The following IL17RB variants were observed in gnomAD, a reference collection of about 807,000 sequenced individuals.
IL17RB encodes interleukin-17 receptor B.
In IL17RB, 36 loss-of-function variants were observed where a neutral mutation model predicts 43.9. That is an observed-to-expected ratio of 0.82 (90% CI 0.63 to 1.08). The LOEUF (loss-of-function observed/expected upper bound fraction) is 1.08, where lower values mean the gene tolerates loss of function less well. Ranked by LOEUF, IL17RB falls within the 50% of genes least tolerant of loss-of-function variation. The pLI is 0.00. For synonymous variants in IL17RB, 225 were observed against 225.4 expected (o/e 1.00, Z 0.02); for missense variants, 613 against 613.6 (o/e 1.00, Z 0.01).
At position 53,846,627 on chromosome 3, in the gene IL17RB, G is replaced by A; in HGVS notation, c.39G>A (p.Arg13=). Residue 13 remains arginine, a synonymous_variant, in exon 1 of 11, where the codon AGG becomes AGA. Transcript: ENST00000288167. ...TGCTAAGCCTGGCCGCGCTGTGCAGGAGCGCCGTACCCCGAGAGCCGGTAA... is the reference window on the plus strand; with the variant it reads ...TGCTAAGCCTGGCCGCGCTGTGCAGAAGCGCCGTACCCCGAGAGCCGGTAA... ...LVLLSLAALC[R]SAVPREPTVQ... 2 of 1,593,696 alleles carry A rather than the reference G, an allele frequency of 1.3e-6. No homozygotes were observed. The highest frequency in any genetic ancestry group is 1.1e-5 in the South Asian group (1 of 88,632).
At chr3:53,847,068 C>G (rs1261818191) in intron 1 of IL17RB, among the ~76,000 whole-genome samples, 1 of 152,148 alleles carries the variant, frequency 6.6e-6, no homozygotes, top group African/African-American at 2.4e-5. Context: ...GTACCCCCTC[C>G]CTTTTTGGCC....
chr3:53,850,294 C>T (rs28385740), intron 3 of IL17RB, among the ~76,000 whole-genome samples: 7,679 of 151,746 alleles, frequency 0.051, 472 homozygotes, highest in African/African-American at 0.15. Flanking sequence ...GCCAGGAGTT[C>T]GAGACCAGCC....
chr3:53,848,994 G>T (rs1428495342), intron 2 of IL17RB, among the ~76,000 whole-genome samples: 3 of 152,252 alleles, frequency 2.0e-5, no homozygotes, highest in East Asian at 3.8e-4. Context: ...GTCACTTAGA[G>T]TTGGGACCGA....
At position 53,865,016 on chromosome 3, in the gene IL17RB, G is replaced by C. The variant is rs1205232376; in HGVS notation, c.1217G>C (p.Gly406Ala). The C allele has an allele frequency of 6.2e-7, 1 of 1,614,184 alleles. No homozygotes were observed. Among genetic ancestry groups the C allele is most frequent in the Non-Finnish European group, 8.5e-7 (1 of 1,180,046 alleles). ...LSNDVNSVCDGTCGKSEGSPS... is the reference protein window; with the variant it reads ...LSNDVNSVCDATCGKSEGSPS... Reference sequence around the variant, plus strand: ...AATGACGTCAACAGTGTGTGCGATGGTACCTGTGGCAAGAGCGAGGGCAGT... The same window carrying C: ...AATGACGTCAACAGTGTGTGCGATGCTACCTGTGGCAAGAGCGAGGGCAGT... The change falls in exon 11 of 11, where the codon GGT (glycine) becomes GCT (alanine). Residue 406 changes from glycine to alanine, a missense_variant. Coordinates refer to ENST00000288167, the MANE Select transcript of IL17RB (RefSeq NM_018725.4).
rs556990189 is a variant in IL17RB, at chr3:53,857,603, T to A, written c.673-13T>A. ...CCTGGCACCTCATAATTCTTGACTCTCTCTCTCTTAAGCCACACCAGAAGA... is the reference window on the plus strand; with the variant it reads ...CCTGGCACCTCATAATTCTTGACTCACTCTCTCTTAAGCCACACCAGAAGA... On this transcript the variant is annotated splice_polypyrimidine_tract_variant and intron_variant, in intron 7 of 10. Coordinates refer to ENST00000288167, the MANE Select transcript of IL17RB (RefSeq NM_018725.4). The A allele has an allele frequency of 1.9e-6, 3 of 1,613,360 alleles. No homozygotes were observed. Among genetic ancestry groups the A allele is most frequent in the Admixed American group, 1.7e-5 (1 of 60,006 alleles).
Position 53,865,317 on chromosome 3 carries a change from T to A in IL17RB, c.*9T>A, listed in dbSNP as rs1481471917. ...GCTGCTGCTCCTTGTAGCCCACCCA[T>A]GAGAAGCAAGAGACCTTAAAGGCTT... On this transcript the variant is annotated 3_prime_UTR_variant, in exon 11 of 11. Transcript: ENST00000288167. The A allele has an allele frequency of 6.3e-7, 1 of 1,594,814 alleles. No individual in the cohort carries two copies. The highest frequency in any genetic ancestry group is 8.5e-7 in the Non-Finnish European group (1 of 1,175,644).
At chr3:53,847,162 TGAAGA>T (rs975364369) in intron 1 of IL17RB, among the ~76,000 whole-genome samples, 26 of 152,294 alleles carry the variant, frequency 1.7e-4, no homozygotes, top group African/African-American at 5.3e-4. Context: ...TCTGGGTCAC[TGAAGA>T]GAAAATAGCT....
chr3:53,852,903 G>C lies in IL17RB; in HGVS notation c.387G>C (p.Glu129Asp). The change falls in exon 5 of 11, where the codon GAG becomes GAC. Residue 129 changes from glutamate to aspartate, a missense_variant. Coordinates refer to ENST00000288167, the MANE Select transcript of IL17RB (RefSeq NM_018725.4). ...WTFSYIGFPV[E>D]LNTVYFIGAH... ...TTTCCTACATCGGCTTCCCTGTAGAGCTGAACACAGTCTATTTCATTGGGG... is the reference window on the plus strand; with the variant it reads ...TTTCCTACATCGGCTTCCCTGTAGACCTGAACACAGTCTATTTCATTGGGG... The C allele has an allele frequency of 6.2e-7, 1 of 1,613,892 alleles. No homozygotes were observed. Among genetic ancestry groups the C allele is most frequent in the Non-Finnish European group, 8.5e-7 (1 of 1,179,758 alleles).
chr3:53,852,850 G>T (rs1185350833), intron 4 of IL17RB, 21 bp from the exon 5 acceptor site: 1 of 1,612,322 alleles, frequency 6.2e-7, no homozygotes, highest in East Asian at 2.2e-5. Flanking sequence ...GGAATTGAGA[G>T]TTCCTTGCTT....
intron 6 of IL17RB, among the ~76,000 whole-genome samples, 165 bp from the exon 7 acceptor site, chr3:53,856,679 T>G (rs1035304457): frequency 1.3e-5 from 2 of 152,212 alleles, no homozygotes; most frequent in African/African-American, 4.8e-5. Context: ...CAGCAAGTAC[T>G]TTGAGACTTT....
At chr3:53,863,226 G>T (rs541979198) in intron 10 of IL17RB, among the ~76,000 whole-genome samples, 1 of 152,198 alleles carries the variant, frequency 6.6e-6, no homozygotes, top group South Asian at 2.1e-4. Context: ...GTTAAGTTGT[G>T]GGAAAATCAA....
In IL17RB at chr3:53,856,959, TATC is replaced by T; in HGVS notation, c.649_651del (p.Ile217del). ...ACATGGCTCTTATCCAACACAGCAC[TATC>T]ATCGGGTTTTCTCAGGTGTTTGAGG... On this transcript the variant is annotated inframe_deletion, in exon 7 of 11. Transcript: ENST00000288167. 1 of 1,614,100 alleles carries T rather than the reference TATC, an allele frequency of 6.2e-7. No homozygotes were observed. The highest frequency in any genetic ancestry group is 8.5e-7 in the Non-Finnish European group (1 of 1,180,004).
chr3:53,854,044 G>A (rs1054536823), intron 5 of IL17RB, among the ~76,000 whole-genome samples: 2 of 151,974 alleles, frequency 1.3e-5, no homozygotes, highest in African/African-American at 4.8e-5. Flanking sequence ...TTACAGTCAT[G>A]AGCCACCACA....
intron 9 of IL17RB, 28 bp downstream of exon 9, chr3:53,858,846 G>C (rs763537791): frequency 2.1e-5 from 32 of 1,559,014 alleles, no homozygotes; most frequent in Non-Finnish European, 2.8e-5. Context: ...TCAACCAGAT[G>C]ATCAAAGTGG....
intron 6 of IL17RB, among the ~76,000 whole-genome samples, chr3:53,856,328 CAG>C (rs2107016254): frequency 6.6e-6 from 1 of 152,346 alleles, no homozygotes; most frequent in East Asian, 1.9e-4. Context: ...GCAGACCTAT[CAG>C]GGTATATCCT....
intron 5 of IL17RB, among the ~76,000 whole-genome samples, chr3:53,854,752 G>A (rs760924873): frequency 6.6e-6 from 1 of 152,220 alleles, no homozygotes; most frequent in Non-Finnish European, 1.5e-5. Context: ...CCACCCTGGG[G>A]TGAGGATAGG....
At chr3:53,849,401 C>A in intron 2 of IL17RB, among the ~76,000 whole-genome samples, 1 of 152,144 alleles carries the variant, frequency 6.6e-6, no homozygotes, top group East Asian at 1.9e-4. Context: ...TTGGGTCAGG[C>A]GTGGTGGCTT....
At chr3:53,855,466 G>A (rs565813527) in intron 6 of IL17RB, 125 bp downstream of exon 6, 244 of 626,276 alleles carry the variant, frequency 3.9e-4, no homozygotes, top group East Asian at 6.8e-4. Context: ...AAGCACCCCC[G>A]ATGGTGGTGG....
At chr3:53,858,557 G>T in intron 8 of IL17RB, 162 bp from the exon 9 acceptor site, 1 of 1,438,226 alleles carries the variant, frequency 7.0e-7, no homozygotes, top group Non-Finnish European at 9.1e-7. Flanking sequence ...TTTGACTTTA[G>T]GGCTTTGTTA....
Sources: allele counts gnomAD v4.1 joint callset (sites outside exome capture counted in the v4.1 genomes callset), GRCh38; gene constraint gnomAD v4.1.1; transcripts MANE v1.5; gene names NCBI Gene and HGNC (gene_info 2026-07-23, HGNC 2026-07-21).